Variants in ABCB5 observed in about 807,000 individuals in gnomAD.
ABCB5 encodes the protein ATP binding cassette subfamily B member 5.
A neutral mutation model predicts 144.2 loss-of-function variants in ABCB5; 155 were observed. The ratio of observed to expected loss-of-function variants is 1.08; its 90% CI spans 0.94 to 1.23. The LOEUF (loss-of-function observed/expected upper bound fraction) is 1.23. Among genes scored for constraint, ABCB5 ranks in the 50% most tolerant of loss-of-function variants. The pLI is 0.00. For synonymous variants in ABCB5, 610 were observed against 528.6 expected, an observed-to-expected ratio of 1.15 and a Z score of -2.11; for missense variants, 1,830 against 1,520.8, an observed-to-expected ratio of 1.20 and a Z score of -3.38.
intron 13 of ABCB5, 26 bp downstream of exon 13, chr7:20,651,649 C>T: frequency 6.2e-7 from 1 of 1,610,116 alleles, no homozygotes; most frequent in East Asian, 2.2e-5. Context: ...AGCCTGTGTC[C>T]TTAGCTTATG....
intron 20 of ABCB5, among the ~76,000 whole-genome samples, chr7:20,706,514 A>G (rs1333588842): frequency 6.6e-6 from 1 of 152,228 alleles, no homozygotes; most frequent in African/African-American, 2.4e-5. Context: ...ATTACGGGGA[A>G]TAGTTGTCAA....
rs1008141514 is a variant in ABCB5 at position 20,656,979 on chromosome 7, T to C, written c.1537-1527T>C. Among the ~76,000 whole-genome samples, 4 of 145,146 alleles carry C rather than the reference T, an allele frequency of 2.8e-5. No individual in the cohort carries two copies. The East Asian group carries it at 6.5e-4, about 24-fold the overall frequency. On this transcript the variant is annotated intron_variant, in intron 13 of 27. Coordinates refer to ENST00000404938, the MANE Select transcript of ABCB5 (RefSeq NM_001163941.2). ...ACCTAGGGTGGAGTGCAATGCACAATCTCAGCTCACTGCAGCCTCGACTTC... is the reference window on the plus strand; with the variant it reads ...ACCTAGGGTGGAGTGCAATGCACAACCTCAGCTCACTGCAGCCTCGACTTC...
Position 20,648,022 on chromosome 7 carries a change from G to A in ABCB5, c.1150G>A (p.Gly384Arg). 6.2e-7 allele frequency: 1 copy of A among 1,612,148 alleles called. No individual in the cohort carries two copies. Among genetic ancestry groups the A allele is most frequent in the Non-Finnish European group, 8.5e-7 (1 of 1,178,666 alleles). Residue 384 changes from glycine (G) to arginine (R), a missense_variant, in exon 11 of 28, where the codon GGA becomes AGA. Transcript: ENST00000404938. ...TGGATATAAACCTGAATCCATAGAA[G>A]GAACTGTGGAATTTAAAAATGTTTC... The part of the protein sequence containing the change: ...TAGYKPESIE[G>R]TVEFKNVSFN...
rs780566204 is a variant in ABCB5 at position 20,647,521 on chromosome 7, G to C, written c.982-14G>C. 1.9e-5 allele frequency: 29 copies of C among 1,536,164 alleles called. No individual in the cohort carries two copies. In the East Asian group the frequency reaches 6.2e-4, roughly 33 times the overall value. On this transcript the variant is annotated splice_polypyrimidine_tract_variant and intron_variant, in intron 9 of 27. Coordinates refer to ENST00000404938, the MANE Select transcript of ABCB5 (RefSeq NM_001163941.2). ...ACTGCAGAAAGATAAATATCACTTTGTTTGTTCCTGTAGGTTTTCTTTAGT... is the reference window on the plus strand; with the variant it reads ...ACTGCAGAAAGATAAATATCACTTTCTTTGTTCCTGTAGGTTTTCTTTAGT...
At chr7:20,652,944 A>T (rs993640308) in intron 13 of ABCB5, among the ~76,000 whole-genome samples, 9 of 152,192 alleles carry the variant, frequency 5.9e-5, no homozygotes, top group African/African-American at 1.9e-4. Context: ...TAATTTAAAA[A>T]ATTTGTTATG....
chr7:20,736,039 G>A (rs1203071082), intron 23 of ABCB5, among the ~76,000 whole-genome samples: 1 of 152,138 alleles, frequency 6.6e-6, no homozygotes, highest in Non-Finnish European at 1.5e-5. Context: ...GGTTGTATAT[G>A]GATGATATAC....
intron 7 of ABCB5, among the ~76,000 whole-genome samples, chr7:20,644,095 T>C (rs1469840213): frequency 1.3e-5 from 2 of 152,124 alleles, no homozygotes; most frequent in African/African-American, 2.4e-5. Context: ...TAAAGTTTTT[T>C]TTTTTTTTGA....
At chr7:20,677,764 C>G (rs1383115831) in intron 14 of ABCB5, among the ~76,000 whole-genome samples, 1 of 151,976 alleles carries the variant, frequency 6.6e-6, no homozygotes, top group Non-Finnish European at 1.5e-5. Flanking sequence ...ATAAAAGTAC[C>G]CTTTGCCCCT....
At chr7:20,721,268 C>T (rs187061551) in intron 20 of ABCB5, among the ~76,000 whole-genome samples, 350 of 152,292 alleles carry the variant, frequency 2.3e-3, no homozygotes, top group African/African-American at 8.1e-3. Flanking sequence ...GTTCTTTATC[C>T]TCCAGTTACA....
At chr7:20,716,657 A>G (rs905789911) in intron 20 of ABCB5, among the ~76,000 whole-genome samples, 11 of 152,218 alleles carry the variant, frequency 7.2e-5, no homozygotes, top group South Asian at 2.1e-4. Context: ...TATTCAATTC[A>G]AAAGACCATA....
rs539106274 is a variant in ABCB5, at chr7:20,697,062, C to T, written c.2011-1345C>T. ...TTCATGCTCAGTGCCTGATAGTTAGCGTGCAACTTTTTAAATTTTTGTACA... is the reference window on the plus strand; with the variant it reads ...TTCATGCTCAGTGCCTGATAGTTAGTGTGCAACTTTTTAAATTTTTGTACA... On this transcript the variant is annotated intron_variant, in intron 16 of 27. Transcript: ENST00000404938. Among the ~76,000 whole-genome samples the T allele has an allele frequency of 7.0e-4, 107 of 152,190 alleles. 1 individual carries two copies. Among genetic ancestry groups the T allele is most frequent in the Non-Finnish European group, 1.1e-3 (78 of 67,992 alleles).
chr7:20,678,653 T>A (rs1295135396), intron 14 of ABCB5, among the ~76,000 whole-genome samples: 2 of 152,100 alleles, frequency 1.3e-5, no homozygotes, highest in South Asian at 4.2e-4. Context: ...AAAAAACACA[T>A]TACCTCAAGA....
intron 16 of ABCB5, among the ~76,000 whole-genome samples, chr7:20,686,338 C>T (rs1176752451): frequency 1.3e-5 from 2 of 152,188 alleles, no homozygotes; most frequent in Non-Finnish European, 2.9e-5. Flanking sequence ...CCCAAAGCCC[C>T]AGGCTCTGCC....
At chr7:20,620,451 G>C (rs920361171) in intron 1 of ABCB5, among the ~76,000 whole-genome samples, 3 of 151,938 alleles carry the variant, frequency 2.0e-5, no homozygotes, top group African/African-American at 4.8e-5. Flanking sequence ...ACTACCCAGA[G>C]AGAAGAAAGA....
chr7:20,681,557 G>A lies in ABCB5; in HGVS notation c.1760G>A (p.Arg587Gln), dbSNP rs755832012. 26 of 1,614,042 alleles carry A rather than the reference G, an allele frequency of 1.6e-5. No homozygotes were observed. Among genetic ancestry groups the A allele is most frequent in the East Asian group, 1.1e-4 (5 of 44,878 alleles). ...GTAGCACACCGACTTTCTACTATTC[G>A]AAGTGCAGATTTGATTGTGACCCTA... ...IVVAHRLSTI[R>Q]SADLIVTLKD... Residue 587 changes from arginine to glutamine, a missense_variant, in exon 15 of 28, where the codon CGA (arginine) becomes CAA (glutamine). Arg to Gln is a conservative substitution (Grantham distance 43, BLOSUM62 1). Coordinates refer to ENST00000404938, the MANE Select transcript of ABCB5 (RefSeq NM_001163941.2).
intron 21 of ABCB5, 22 bp downstream of exon 21, chr7:20,723,241 C>A (rs1181121423): frequency 6.2e-7 from 1 of 1,608,188 alleles, no homozygotes; most frequent in African/African-American, 1.3e-5. Flanking sequence ...ACTGTTATCA[C>A]CATCGTAACA....
chr7:20,676,158 T>A (rs1562556446), intron 14 of ABCB5, among the ~76,000 whole-genome samples: 1 of 122,914 alleles, frequency 8.1e-6, no homozygotes, highest in Non-Finnish European at 1.7e-5. Flanking sequence ...CCAGCAATTC[T>A]ACTACACATA....
At chr7:20,680,429 C>T (rs145165411) in intron 14 of ABCB5, among the ~76,000 whole-genome samples, 2 of 151,970 alleles carry the variant, frequency 1.3e-5, no homozygotes, top group African/African-American at 2.4e-5. Flanking sequence ...AATAAATAGC[C>T]GGGCGTGGTG....
intron 5 of ABCB5, among the ~76,000 whole-genome samples, chr7:20,635,122 G>A (rs181940315): frequency 2.6e-5 from 4 of 152,126 alleles, no homozygotes; most frequent in Non-Finnish European, 4.4e-5. Context: ...TTTGCTTACA[G>A]ATTTCCAATT....
Sources: allele counts gnomAD v4.1 joint callset (sites outside exome capture counted in the v4.1 genomes callset), GRCh38; gene constraint gnomAD v4.1.1; transcripts MANE v1.5; gene names NCBI Gene and HGNC (gene_info 2026-07-23, HGNC 2026-07-21).